The following GRID2 variants were observed in gnomAD, a reference collection of about 807,000 sequenced individuals.
GRID2 encodes the protein glutamate receptor ionotropic, delta-2.
Under a neutral mutation model 114.8 loss-of-function variants are expected in GRID2, and 33 were observed. The observed-to-expected ratio is 0.29, with a 90% CI of 0.22 to 0.38. The LOEUF is 0.38. Ranked by LOEUF, GRID2 falls within the 10% of genes least tolerant of loss-of-function variation. The pLI, the probability that GRID2 is intolerant of heterozygous loss-of-function variation, is 1.00. For synonymous variants in GRID2, 505 were observed against 449.9 expected (o/e 1.12, Z -1.55); for missense variants, 1,184 against 1,257.7 (o/e 0.94, Z 0.89).
At chr4:93,430,143 A>G (rs1769262655) in intron 10 of GRID2, among the ~76,000 whole-genome samples, 1 of 152,078 alleles carries the variant, frequency 6.6e-6, no homozygotes, top group Admixed American at 6.5e-5. Context: ...TAGAAAGCAT[A>G]TATTTACCGG....
intron 2 of GRID2, among the ~76,000 whole-genome samples, chr4:92,874,329 A>T (rs1745481654): frequency 6.6e-6 from 1 of 152,230 alleles, no homozygotes. Flanking sequence ...CATTCATTCA[A>T]AATAAAATGA....
At chr4:93,363,449 TC>T (rs1218513851) in intron 8 of GRID2, among the ~76,000 whole-genome samples, 2 of 152,136 alleles carry the variant, frequency 1.3e-5, no homozygotes, top group African/African-American at 4.8e-5. Flanking sequence ...GAATTAATGC[TC>T]TTTCCAGACA....
At chr4:92,681,693 A>T (rs186559061) in intron 2 of GRID2, among the ~76,000 whole-genome samples, 242 of 151,802 alleles carry the variant, frequency 1.6e-3, no homozygotes, top group African/African-American at 5.3e-3. Context: ...AGTATAATTT[A>T]AAAAAACCCA....
intron 2 of GRID2, among the ~76,000 whole-genome samples, chr4:92,895,940 C>G (rs532825690): frequency 2.6e-5 from 4 of 152,184 alleles, no homozygotes; most frequent in African/African-American, 9.6e-5. Context: ...ATACAACTCC[C>G]CTGTTGTCAG....
intron 2 of GRID2, among the ~76,000 whole-genome samples, chr4:92,910,610 C>T (rs1748299387): frequency 6.6e-6 from 1 of 152,022 alleles, no homozygotes; most frequent in Non-Finnish European, 1.5e-5. Context: ...TGAGAATTTT[C>T]AAAAGTTGAG....
At chr4:93,759,824 G>A (rs1185440164) in intron 14 of GRID2, among the ~76,000 whole-genome samples, 4 of 152,196 alleles carry the variant, frequency 2.6e-5, no homozygotes, top group African/African-American at 7.2e-5. Context: ...AGTGGAACAC[G>A]TGTTAGCCAA....
At chr4:92,947,784 G>T (rs968047455) in intron 2 of GRID2, among the ~76,000 whole-genome samples, 5 of 151,676 alleles carry the variant, frequency 3.3e-5, no homozygotes, top group Non-Finnish European at 7.4e-5. Context: ...ATAAAAGGGT[G>T]CATTAGAATG....
chr4:92,971,842 T>C lies in GRID2; in HGVS notation c.245-113153T>C, dbSNP rs139853209. On this transcript the variant is annotated intron_variant, in intron 2 of 15. Transcript: ENST00000282020. ...TTCACTTATATAATGTCCTCCAGCC[T>C]CATCCACATTGCTACAAATAATGGG... Among the ~76,000 whole-genome samples the C allele has an allele frequency of 4.6e-3, 697 of 152,224 alleles. 6 individuals carry two copies. Among genetic ancestry groups the C allele is most frequent in the African/African-American group, 0.016 (656 of 41,554 alleles).
chr4:93,328,755 A>G (rs1427643958), intron 8 of GRID2, among the ~76,000 whole-genome samples: 3 of 151,964 alleles, frequency 2.0e-5, no homozygotes, highest in Non-Finnish European at 4.4e-5. Context: ...GGATAGACAA[A>G]TGATACTCAG....
chr4:92,670,877 G>T (rs1427745629), intron 2 of GRID2, among the ~76,000 whole-genome samples: 1 of 152,044 alleles, frequency 6.6e-6, no homozygotes, highest in African/African-American at 2.4e-5. Context: ...TTCAAAATCT[G>T]TCCTGTCAAT....
At chr4:92,525,800 A>T (rs1409763497) in intron 1 of GRID2, among the ~76,000 whole-genome samples, 5 of 152,114 alleles carry the variant, frequency 3.3e-5, no homozygotes, top group Non-Finnish European at 7.4e-5. Context: ...AGGAGCACTT[A>T]AATGGCACAG....
In GRID2 at chr4:93,771,783, A is replaced by C. The variant is rs139975550; in HGVS notation, c.2602-293A>C. 4.7e-3 allele frequency among the ~76,000 whole-genome samples: 719 copies of C among 152,302 alleles called. 4 individuals carry two copies. The highest frequency in any genetic ancestry group is 8.3e-3 in the Non-Finnish European group (565 of 68,028). ...AATTTTGCCTGGGTCTGTCTTTTAT[A>C]GAATGGCAATCACCCATCAACTGCT... is the stretch of plus-strand genomic sequence containing the variant. On this transcript the variant is annotated intron_variant, in intron 15 of 15. Coordinates refer to ENST00000282020, the MANE Select transcript of GRID2 (RefSeq NM_001510.4).
chr4:93,778,422 A>G, downstream of GRID2, among the ~76,000 whole-genome samples: 1 of 128,758 alleles, frequency 7.8e-6, no homozygotes, highest in Non-Finnish European at 1.6e-5. Context: ...TTTGAGACAG[A>G]GTCTCGCTCT....
intron 2 of GRID2, among the ~76,000 whole-genome samples, chr4:92,989,416 T>C (rs896424886): frequency 6.6e-5 from 10 of 150,680 alleles, no homozygotes; most frequent in African/African-American, 9.8e-5. Context: ...TTCCACAAAA[T>C]AGAATGAGAG....
intron 13 of GRID2, among the ~76,000 whole-genome samples, chr4:93,594,851 A>C (rs1738891148): frequency 6.6e-6 from 1 of 152,158 alleles, no homozygotes; most frequent in Non-Finnish European, 1.5e-5. Context: ...TTTGATTAGG[A>C]AAGGGAACTC....
chr4:93,038,707 C>G (rs892859830), intron 2 of GRID2, among the ~76,000 whole-genome samples: 2 of 151,958 alleles, frequency 1.3e-5, no homozygotes, highest in African/African-American at 4.8e-5. Flanking sequence ...AGGAGAATGG[C>G]GTGAACCCAG....
At chr4:93,803,143 T>C (rs1734964571) in intron 1 of GRID2, among the ~76,000 whole-genome samples, 1 of 152,154 alleles carries the variant, frequency 6.6e-6, no homozygotes, top group African/African-American at 2.4e-5. Context: ...ATTTACAGGG[T>C]TTTCCTCTGT....
chr4:93,583,525 A>G (rs944808746), intron 13 of GRID2, among the ~76,000 whole-genome samples: 1 of 152,176 alleles, frequency 6.6e-6, no homozygotes, highest in African/African-American at 2.4e-5. Flanking sequence ...TATTCTTGGC[A>G]TAGTGCTGGA....
intron 1 of GRID2, among the ~76,000 whole-genome samples, chr4:92,456,202 G>A (rs1162697673): frequency 1.3e-5 from 2 of 151,600 alleles, no homozygotes; most frequent in African/African-American, 4.8e-5. Flanking sequence ...AATGAGTAGG[G>A]GAAAATTATA....
Sources: allele counts gnomAD v4.1 joint callset (sites outside exome capture counted in the v4.1 genomes callset), GRCh38; gene constraint gnomAD v4.1.1; transcripts MANE v1.5; gene names NCBI Gene and HGNC (gene_info 2026-07-23, HGNC 2026-07-21).